HDAC9: variants seen among roughly 807,000 people sequenced by gnomAD.
HDAC9 encodes the protein histone deacetylase 9.
In HDAC9, 41 loss-of-function variants were observed where a neutral mutation model predicts 139.4. The observed-to-expected ratio is 0.29, with a 90% CI of 0.23 to 0.38. The LOEUF is 0.38. HDAC9 is among the 10% of genes least tolerant of loss of function. The pLI, the probability that HDAC9 is intolerant of heterozygous loss-of-function variation, is 1.00. For missense variants in HDAC9, 1,147 were observed against 1,297.0 expected (o/e 0.88, Z 1.78); for synonymous variants, 517 against 476.2 (o/e 1.09, Z -1.12).
intron 22 of HDAC9, among the ~76,000 whole-genome samples, chr7:18,909,514 G>A (rs533210244): frequency 1.3e-4 from 19 of 151,974 alleles, no homozygotes; most frequent in Admixed American, 3.3e-4. Context: ...TAGTAGTTTC[G>A]TAGTTGTGGG....
chr7:18,716,990 CTTT>C (rs528916567), intron 12 of HDAC9, among the ~76,000 whole-genome samples: 7,144 of 115,080 alleles, frequency 0.062, 123 homozygotes, highest in East Asian at 0.092. Context: ...CTCGTTAGCA[CTTT>C]TTTTTTTTTT....
chr7:18,237,363 T>C (rs1793892084), intron 2 of HDAC9, among the ~76,000 whole-genome samples: 1 of 152,224 alleles, frequency 6.6e-6, no homozygotes, highest in African/African-American at 2.4e-5. Context: ...CTTGGAAACA[T>C]CTTGCTGTGG....
intron 11 of HDAC9, among the ~76,000 whole-genome samples, chr7:18,658,609 G>C (rs559138159): frequency 6.6e-6 from 1 of 152,074 alleles, no homozygotes; most frequent in South Asian, 2.1e-4. Flanking sequence ...TTCTTCTCTT[G>C]TTATTTAATT....
chr7:18,484,745 CT>C (rs1795842150), intron 1 of HDAC9, among the ~76,000 whole-genome samples: 2 of 151,850 alleles, frequency 1.3e-5, no homozygotes, highest in African/African-American at 4.8e-5. Flanking sequence ...GTCTCAGCTA[CT>C]CTGAAATCAC....
At chr7:18,300,761 G>A (rs1798485758) in intron 1 of HDAC9, among the ~76,000 whole-genome samples, 1 of 152,132 alleles carries the variant, frequency 6.6e-6, no homozygotes, top group Admixed American at 6.6e-5. Context: ...TATTTTGTCT[G>A]TGCTTGCTAG....
At chr7:18,615,627 G>A (rs559298302) in intron 6 of HDAC9, among the ~76,000 whole-genome samples, 1 of 152,286 alleles carries the variant, frequency 6.6e-6, no homozygotes, top group South Asian at 2.1e-4. Flanking sequence ...AAAGTGCTAA[G>A]TAAATTTTTG....
intron 2 of HDAC9, among the ~76,000 whole-genome samples, chr7:18,555,790 CAT>C (rs1333565232): frequency 1.3e-5 from 2 of 151,940 alleles, no homozygotes; most frequent in Non-Finnish European, 2.9e-5. Context: ...TCATTAGTAA[CAT>C]ATGGCTAAAT....
chr7:18,166,450 A>C (rs1371450630), intron 2 of HDAC9, among the ~76,000 whole-genome samples: 2 of 152,238 alleles, frequency 1.3e-5, no homozygotes, highest in Admixed American at 1.3e-4. Flanking sequence ...AAAATTAATT[A>C]AGAGATTTAT....
At chr7:18,240,125 A>C (rs561297593) in intron 2 of HDAC9, among the ~76,000 whole-genome samples, 35 of 152,246 alleles carry the variant, frequency 2.3e-4, no homozygotes, top group African/African-American at 4.6e-4. Flanking sequence ...ATCTAAATGT[A>C]AGCATTTGGG....
chr7:18,820,835 C>T (rs994004418), intron 17 of HDAC9, among the ~76,000 whole-genome samples: 1 of 152,130 alleles, frequency 6.6e-6, no homozygotes, highest in African/African-American at 2.4e-5. Context: ...AGAGGTGTAT[C>T]ATTAGAAATA....
intron 1 of HDAC9, among the ~76,000 whole-genome samples, chr7:18,353,703 C>G (rs1783032864): frequency 6.6e-6 from 1 of 152,148 alleles, no homozygotes; most frequent in African/African-American, 2.4e-5. Context: ...CCACATTGAC[C>G]TACACATTTG....
At chr7:18,130,304 G>A (rs1784922413) in intron 1 of HDAC9, among the ~76,000 whole-genome samples, 1 of 152,024 alleles carries the variant, frequency 6.6e-6, no homozygotes, top group Non-Finnish European at 1.5e-5. Context: ...CCTGTATAAA[G>A]GCCCTGAGGT....
intron 2 of HDAC9, among the ~76,000 whole-genome samples, chr7:18,275,470 G>A (rs1796657350): frequency 6.6e-6 from 1 of 152,166 alleles, no homozygotes; most frequent in African/African-American, 2.4e-5. Flanking sequence ...TCAAAGCCCA[G>A]CAGTGGCTCC....
intron 25 of HDAC9, among the ~76,000 whole-genome samples, chr7:18,992,372 A>G (rs984865965): frequency 6.6e-6 from 1 of 152,210 alleles, no homozygotes; most frequent in Non-Finnish European, 1.5e-5. Flanking sequence ...TAGTAAATAC[A>G]GTACTGAGTG....
intron 22 of HDAC9, among the ~76,000 whole-genome samples, chr7:18,893,033 GAA>G (rs71960483): frequency 9.0e-5 from 6 of 66,890 alleles, no homozygotes; most frequent in African/African-American, 2.2e-4. Context: ...GTAATAGGCC[GAA>G]AAAAAAAAAA....
At chr7:18,872,445 A>G (rs1411211425) in intron 21 of HDAC9, among the ~76,000 whole-genome samples, 2 of 152,158 alleles carry the variant, frequency 1.3e-5, no homozygotes, top group African/African-American at 4.8e-5. Flanking sequence ...GTCTTTATTA[A>G]CAAAATATTT....
chr7:18,501,790 G>A (rs1798446258), intron 2 of HDAC9, among the ~76,000 whole-genome samples: 1 of 152,130 alleles, frequency 6.6e-6, no homozygotes, highest in African/African-American at 2.4e-5. Context: ...TCTATGAGAA[G>A]TGTTCATTAC....
At chr7:18,197,227 A>G (rs1040450056) in intron 2 of HDAC9, among the ~76,000 whole-genome samples, 2 of 152,194 alleles carry the variant, frequency 1.3e-5, no homozygotes, top group Middle Eastern at 3.2e-3. Flanking sequence ...CCAATTCCTT[A>G]TAATCAGTCT....
intron 23 of HDAC9, among the ~76,000 whole-genome samples, chr7:18,944,945 G>A (rs1006298935): frequency 4.6e-5 from 7 of 152,062 alleles, no homozygotes; most frequent in African/African-American, 1.7e-4. Flanking sequence ...TACATATTCT[G>A]CTTTTGACAG....
Sources: allele counts gnomAD v4.1 joint callset (sites outside exome capture counted in the v4.1 genomes callset), GRCh38; gene constraint gnomAD v4.1.1; transcripts MANE v1.5; gene names NCBI Gene and HGNC (gene_info 2026-07-23, HGNC 2026-07-21).